Variants in NTM observed in about 807,000 individuals in gnomAD.
The protein encoded by NTM is IgLON family member 2.
In NTM, 13 loss-of-function variants were observed where a neutral mutation model predicts 42.1. That is an observed-to-expected ratio of 0.31 (90% CI 0.20 to 0.49). The LOEUF is 0.49. Ranked by LOEUF, NTM falls within the 20% of genes least tolerant of loss-of-function variation. The probability of loss-of-function intolerance (pLI) is 0.99; values close to 1 mark genes in which losing one functional copy is unlikely to be tolerated. For missense variants in NTM, 373 were observed against 452.8 expected (o/e 0.82, Z 1.60); for synonymous variants, 187 against 179.2 (o/e 1.04, Z -0.35).
intron 4 of NTM, among the ~76,000 whole-genome samples, chr11:132,300,117 T>G (rs935746648): frequency 6.6e-6 from 1 of 152,242 alleles, no homozygotes; most frequent in African/African-American, 2.4e-5. Context: ...TTAAAGGATA[T>G]GTGGTGAATC....
intron 4 of NTM, among the ~76,000 whole-genome samples, chr11:132,250,289 CCT>C (rs1452765476): frequency 5.3e-5 from 8 of 152,136 alleles, no homozygotes; most frequent in Non-Finnish European, 1.2e-4. Flanking sequence ...TCCAACAACC[CCT>C]GTTGCTTTTA....
intron 1 of NTM, among the ~76,000 whole-genome samples, chr11:131,506,522 G>A (rs1372628372): frequency 1.3e-5 from 2 of 152,330 alleles, no homozygotes; most frequent in South Asian, 2.1e-4. Context: ...TCACTCTGAG[G>A]AGGAGGCGGC....
chr11:131,822,278 G>A (rs1210852999), intron 1 of NTM, among the ~76,000 whole-genome samples: 1 of 151,684 alleles, frequency 6.6e-6, no homozygotes, highest in Non-Finnish European at 1.5e-5. Flanking sequence ...CATTCTCATG[G>A]CCTCCTGGCA....
chr11:131,952,181 A>G (rs548414907), intron 2 of NTM, among the ~76,000 whole-genome samples: 18 of 152,118 alleles, frequency 1.2e-4, no homozygotes, highest in African/African-American at 4.3e-4. Context: ...CCGATTCTCA[A>G]TCTCATTCTC....
intron 1 of NTM, among the ~76,000 whole-genome samples, chr11:131,616,221 G>C (rs943460989): frequency 2.0e-5 from 3 of 152,220 alleles, no homozygotes; most frequent in Non-Finnish European, 4.4e-5. Context: ...GCACTGGGGA[G>C]ACTGCACCTG....
At chr11:131,718,783 T>A (rs2078002307) in intron 1 of NTM, among the ~76,000 whole-genome samples, 1 of 151,936 alleles carries the variant, frequency 6.6e-6, no homozygotes, top group Non-Finnish European at 1.5e-5. Context: ...ACTCTGGGAG[T>A]CCTCTAGCCT....
chr11:132,180,995 T>C lies in NTM; in HGVS notation c.401-31027T>C, dbSNP rs114699008. On this transcript the variant is annotated intron_variant, in intron 3 of 8. Coordinates refer to ENST00000683400, the MANE Select transcript of NTM (RefSeq NM_001352005.2). ...AATAAATTTAGGCTATGTATTTAAC[T>C]TAAGGATCTCAGAATAAGTTATACA... Among the ~76,000 whole-genome samples, 779 of 152,342 alleles carry C rather than the reference T, an allele frequency of 5.1e-3. 4 individuals are homozygous for C. The highest frequency in any genetic ancestry group is 0.018 in the African/African-American group (729 of 41,586).
chr11:132,017,144 T>G (rs1337738844), intron 2 of NTM, among the ~76,000 whole-genome samples: 1 of 152,020 alleles, frequency 6.6e-6, no homozygotes, highest in South Asian at 2.1e-4. Flanking sequence ...ATTTTAATTT[T>G]GATGAAAGTC....
chr11:131,942,239 C>G (rs2059874014), intron 2 of NTM, among the ~76,000 whole-genome samples: 1 of 152,164 alleles, frequency 6.6e-6, no homozygotes, highest in South Asian at 2.1e-4. Flanking sequence ...ACCCCTAAAT[C>G]CCTGCAAACT....
In NTM at chr11:132,336,719, C is replaced by T. The variant is rs779686902; in HGVS notation, c.*1573C>T. On this transcript the variant is annotated 3_prime_UTR_variant, in exon 9 of 9. Transcript: ENST00000683400. ...GAAAGTCTGGGAACCTGAGAGTCCTCGGGGAGGGGTCCTGGATGTGATGAG... is the reference window on the plus strand; with the variant it reads ...GAAAGTCTGGGAACCTGAGAGTCCTTGGGGAGGGGTCCTGGATGTGATGAG... The T allele has an allele frequency of 7.2e-6, 1 of 139,046 alleles. No individual in the cohort carries two copies. The highest frequency in any genetic ancestry group is 2.6e-5 in the African/African-American group (1 of 38,064). 8.6% of individuals were successfully genotyped at this position (139,046 alleles called of 1,614,324 possible). A position where few individuals can be genotyped will look rare whatever the true frequency, so the allele number is the denominator to read the frequency against.
intron 1 of NTM, among the ~76,000 whole-genome samples, chr11:131,557,077 G>C (rs1371036338): frequency 1.3e-5 from 2 of 151,914 alleles, no homozygotes; most frequent in Non-Finnish European, 2.9e-5. Flanking sequence ...TTTTAACAGT[G>C]TGTCATGACA....
At chr11:131,580,007 C>A (rs556529296) in intron 1 of NTM, among the ~76,000 whole-genome samples, 1 of 152,092 alleles carries the variant, frequency 6.6e-6, no homozygotes, top group Non-Finnish European at 1.5e-5. Context: ...AGTTCTCTGC[C>A]GAGCCAGGAG....
chr11:131,881,980 C>A (rs991231334), intron 1 of NTM, among the ~76,000 whole-genome samples: 19 of 152,158 alleles, frequency 1.2e-4, no homozygotes, highest in African/African-American at 4.6e-4. Flanking sequence ...CTTCTCTTTG[C>A]CTAACATCAA....
chr11:132,127,876 C>A (rs1365261934), intron 2 of NTM, among the ~76,000 whole-genome samples: 1 of 152,352 alleles, frequency 6.6e-6, no homozygotes, highest in East Asian at 1.9e-4. Context: ...ACGTTATAGC[C>A]TGCAAGTCCC....
chr11:131,490,931 G>C (rs898424559), intron 1 of NTM, among the ~76,000 whole-genome samples: 1 of 152,164 alleles, frequency 6.6e-6, no homozygotes, highest in Admixed American at 6.5e-5. Context: ...TAGCTGTTCT[G>C]CTGTAGGGAT....
intron 2 of NTM, among the ~76,000 whole-genome samples, chr11:131,984,055 A>G (rs1037069309): frequency 6.6e-6 from 1 of 152,238 alleles, no homozygotes; most frequent in African/African-American, 2.4e-5. Context: ...AAGAAAAAAT[A>G]GACACAGATT....
At chr11:131,827,908 C>A (rs987396821) in intron 1 of NTM, among the ~76,000 whole-genome samples, 2 of 152,150 alleles carry the variant, frequency 1.3e-5, no homozygotes, top group African/African-American at 4.8e-5. Context: ...GTCTCCTATT[C>A]CCAGACGTTG....
At chr11:132,209,338 T>C (rs1312464600) in intron 3 of NTM, among the ~76,000 whole-genome samples, 1 of 152,218 alleles carries the variant, frequency 6.6e-6, no homozygotes, top group African/African-American at 2.4e-5. Context: ...CCAACCCTTG[T>C]CCATGTCCAC....
intron 2 of NTM, among the ~76,000 whole-genome samples, chr11:132,058,379 T>G (rs2080061852): frequency 6.6e-6 from 1 of 152,202 alleles, no homozygotes; most frequent in Non-Finnish European, 1.5e-5. Flanking sequence ...GTCACCTGCC[T>G]TGAGAACTCT....
Sources: allele counts gnomAD v4.1 joint callset (sites outside exome capture counted in the v4.1 genomes callset), GRCh38; gene constraint gnomAD v4.1.1; transcripts MANE v1.5; gene names NCBI Gene and HGNC (gene_info 2026-07-23, HGNC 2026-07-21).